Variants in LMF1 observed in about 807,000 individuals in gnomAD.
LMF1 encodes lipase maturation factor 1.
A neutral mutation model predicts 60.6 loss-of-function variants in LMF1; 68 were observed. The observed-to-expected ratio is 1.12, with a 90% CI of 0.92 to 1.37. The LOEUF is 1.37. Among genes scored for constraint, LMF1 ranks in the 40% most tolerant of loss-of-function variants. The pLI is 0.00. For synonymous variants in LMF1, 418 were observed against 324.7 expected (o/e 1.29, Z -3.09); for missense variants, 948 against 767.2 (o/e 1.24, Z -2.78).
intron 1 of LMF1, chr16:963,905 C>T: frequency 2.7e-6 from 1 of 370,574 alleles, no homozygotes; most frequent in Non-Finnish European, 5.4e-6. Flanking sequence ...TAAAAAGATG[C>T]AGTAAAAATC....
At chr16:925,048 C>T (rs940490948) in intron 3 of LMF1, among the ~76,000 whole-genome samples, 3 of 152,140 alleles carry the variant, frequency 2.0e-5, no homozygotes, top group African/African-American at 2.4e-5. Flanking sequence ...GTGCTGGGTG[C>T]GAGTCCCCAA....
At chr16:872,288 CTT>C (rs1567159227) in intron 6 of LMF1, 1 of 152,200 alleles carries the variant, frequency 6.6e-6, no homozygotes, top group African/African-American at 2.4e-5. Context: ...AAAGCCCAGC[CTT>C]TATCCCCGTA....
At chr16:965,417 G>A (rs1182822790) in intron 1 of LMF1, among the ~76,000 whole-genome samples, 1 of 152,120 alleles carries the variant, frequency 6.6e-6, no homozygotes, top group Non-Finnish European at 1.5e-5. Flanking sequence ...AGCTCACCAA[G>A]GCCACTACAA....
rs1229306340 is a variant in LMF1 at position 859,962 on chromosome 16, G to GTCTC, written c.1530-5257_1530-5256insGAGA. ...TGTCACGGGATGGGTGTGCAGTGATGGTACCGGATGGGTGTGCAGTGGTGT... is the reference window on the plus strand; with the variant it reads ...TGTCACGGGATGGGTGTGCAGTGATGTCTCGTACCGGATGGGTGTGCAGTGGTGT... On this transcript the variant is annotated intron_variant, in intron 10 of 10. Coordinates refer to ENST00000262301, the MANE Select transcript of LMF1 (RefSeq NM_022773.4). Among the ~76,000 whole-genome samples the GTCTC allele has an allele frequency of 1.5e-4, 19 of 129,608 alleles. 1 individual carries two copies. Among genetic ancestry groups the GTCTC allele is most frequent in the African/African-American group, 7.6e-4 (17 of 22,300 alleles). The allele number at this position is 129,608 out of a possible 152,430, so 85.0% of individuals were successfully genotyped here.
intron 5 of LMF1, among the ~76,000 whole-genome samples, chr16:888,157 G>A (rs1365836139): frequency 6.6e-6 from 1 of 151,998 alleles, no homozygotes; most frequent in Non-Finnish European, 1.5e-5. Flanking sequence ...AAGCCTTGGG[G>A]TGCAGGGGGT....
intron 2 of LMF1, among the ~76,000 whole-genome samples, chr16:952,298 C>A (rs1454116635): frequency 7.6e-6 from 1 of 131,622 alleles, no homozygotes; most frequent in African/African-American, 3.3e-5. Context: ...AGCACAGCCA[C>A]AAAGTGGGGA....
chr16:870,184 T>C, intron 8 of LMF1, 118 bp from the exon 9 acceptor site: 1 of 1,139,474 alleles, frequency 8.8e-7, no homozygotes, highest in African/African-American at 1.5e-5. Flanking sequence ...GGCTACAGCC[T>C]CCACCTGCCT....
At chr16:884,594 G>A (rs1003411731) in intron 5 of LMF1, among the ~76,000 whole-genome samples, 2 of 151,900 alleles carry the variant, frequency 1.3e-5, no homozygotes, top group Admixed American at 6.6e-5. Flanking sequence ...ATGGAAACCT[G>A]GATCTCCACG....
chr16:927,078 G>C (rs905278609), intron 3 of LMF1, among the ~76,000 whole-genome samples: 2 of 152,222 alleles, frequency 1.3e-5, no homozygotes, highest in Non-Finnish European at 2.9e-5. Flanking sequence ...GAGGCCTCCA[G>C]AGATGGAGCC....
At chr16:966,069 G>C (rs2072916436) in intron 1 of LMF1, among the ~76,000 whole-genome samples, 1 of 152,184 alleles carries the variant, frequency 6.6e-6, no homozygotes, top group Non-Finnish European at 1.5e-5. Flanking sequence ...CGAGTGATGA[G>C]GGCTAAGTCT....
At chr16:865,494 C>T (rs528044467) in intron 10 of LMF1, among the ~76,000 whole-genome samples, 14 of 152,272 alleles carry the variant, frequency 9.2e-5, no homozygotes, top group African/African-American at 3.1e-4. Context: ...GGATTACAGG[C>T]GTGTGGCACC....
At chr16:889,712 G>A (rs75664267) in intron 5 of LMF1, among the ~76,000 whole-genome samples, 3,482 of 152,282 alleles carry the variant, frequency 0.023, 142 homozygotes, top group African/African-American at 0.078. Flanking sequence ...GGCACGGCTC[G>A]GGGGTTGCAG....
At chr16:952,099 T>C (rs937440033) in intron 2 of LMF1, among the ~76,000 whole-genome samples, 14 of 152,184 alleles carry the variant, frequency 9.2e-5, no homozygotes, top group African/African-American at 3.4e-4. Context: ...CGGAGCCACG[T>C]TGTGGGTGCC....
chr16:865,929 G>A (rs2069598006), intron 10 of LMF1, among the ~76,000 whole-genome samples: 1 of 152,150 alleles, frequency 6.6e-6, no homozygotes, highest in Admixed American at 6.5e-5. Context: ...CAGATGTCGA[G>A]TGTTTTGTGT....
chr16:863,289 T>C (rs1451004841), intron 10 of LMF1, among the ~76,000 whole-genome samples: 6 of 152,176 alleles, frequency 3.9e-5, no homozygotes, highest in Non-Finnish European at 8.8e-5. Context: ...TACAGGCACC[T>C]GCCACCACGC....
At chr16:916,046 A>G (rs1292603525) in intron 3 of LMF1, among the ~76,000 whole-genome samples, 1 of 152,144 alleles carries the variant, frequency 6.6e-6, no homozygotes, top group Non-Finnish European at 1.5e-5. Flanking sequence ...GCCTCCGGCA[A>G]AGGGAGGGAT....
chr16:954,780 C>T, intron 1 of LMF1, 114 bp from the exon 2 acceptor site: 7 of 1,001,380 alleles, frequency 7.0e-6, no homozygotes, highest in Non-Finnish European at 1.0e-5. Flanking sequence ...CAGAGTCTGG[C>T]TGACGGTTTG....
intron 4 of LMF1, among the ~76,000 whole-genome samples, chr16:904,592 C>T (rs1282508349): frequency 1.6e-5 from 1 of 63,750 alleles, no homozygotes; most frequent in African/African-American, 9.4e-5. Flanking sequence ...CCCGTGGGGA[C>T]GCCTGTCTCT....
chr16:894,133 C>A (rs1206659940), intron 4 of LMF1, among the ~76,000 whole-genome samples: 2 of 148,776 alleles, frequency 1.3e-5, no homozygotes, highest in Non-Finnish European at 1.5e-5. Flanking sequence ...ACCGTCTGCC[C>A]ACCCGTCCCC....
Sources: gnomAD v4.1 joint callset for allele counts (sites outside exome capture counted in the v4.1 genomes callset) on GRCh38, gnomAD v4.1.1 for gene constraint, MANE v1.5 for transcripts, NCBI Gene and HGNC (gene_info 2026-07-23, HGNC 2026-07-21) for gene names.